Variants in RYR3 observed in about 807,000 individuals in gnomAD.
RYR3 encodes the protein ryanodine receptor 3.
A neutral mutation model predicts 584.3 loss-of-function variants in RYR3; 207 were observed. That is an observed-to-expected ratio of 0.35 (90% confidence interval 0.32 to 0.40). The LOEUF is 0.40. Among genes scored for constraint, RYR3 ranks in the 10% least tolerant of loss-of-function variants. RYR3 has a pLI of 1.00. For missense variants in RYR3, 5,616 were observed against 6,089.2 expected, an observed-to-expected ratio of 0.92 and a Z score of 2.59; for synonymous variants, 2,416 against 2,248.5, an observed-to-expected ratio of 1.07 and a Z score of -2.11.
rs765193229 is a variant in RYR3, at chr15:33,854,852, C to T, written c.13947C>T (p.Ile4649=). The change falls in exon 98 of 104, where the codon ATC becomes ATT. Residue 4649 remains isoleucine, a synonymous_variant. Transcript: ENST00000634891. ...NFFFAAHLLD[I]AMGFKTLRTI... ...TCTTTGCTGCTCACCTATTGGACAT[C>T]GCAATGGGCTTCAAGACACTGAGGA... 1.2e-5 allele frequency: 19 copies of T among 1,613,662 alleles called. No homozygotes were observed. The highest frequency in any genetic ancestry group is 2.2e-5 in the East Asian group (1 of 44,868).
intron 5 of RYR3, among the ~76,000 whole-genome samples, chr15:33,538,154 C>T (rs2055496950): frequency 6.6e-6 from 1 of 152,098 alleles, no homozygotes; most frequent in South Asian, 2.1e-4. Flanking sequence ...CAAGTCTCTT[C>T]TCTTTTCACT....
At chr15:33,427,282 G>A (rs1306886702) in intron 1 of RYR3, among the ~76,000 whole-genome samples, 1 of 152,154 alleles carries the variant, frequency 6.6e-6, no homozygotes, top group Non-Finnish European at 1.5e-5. Context: ...TTCATTTTAT[G>A]AATGGATGTT....
intron 2 of RYR3, among the ~76,000 whole-genome samples, chr15:33,483,787 A>G (rs375189366): frequency 2.0e-5 from 3 of 152,292 alleles, no homozygotes; most frequent in East Asian, 3.9e-4. Context: ...TTATTAATCT[A>G]TGGTGGTTTC....
chr15:33,765,891 T>C (rs111469503), intron 60 of RYR3, among the ~76,000 whole-genome samples: 1 of 152,196 alleles, frequency 6.6e-6, no homozygotes, highest in Non-Finnish European at 1.5e-5. Context: ...GAACTGCCTG[T>C]GTAGTATGAT....
At chr15:33,631,632 C>T (rs1410580742) in intron 23 of RYR3, among the ~76,000 whole-genome samples, 2 of 152,202 alleles carry the variant, frequency 1.3e-5, no homozygotes, top group African/African-American at 4.8e-5. Context: ...AGAGTCACTC[C>T]TCTGGCATTG....
intron 25 of RYR3, among the ~76,000 whole-genome samples, chr15:33,634,947 A>G (rs1258807322): frequency 1.3e-5 from 2 of 152,158 alleles, no homozygotes; most frequent in African/African-American, 2.4e-5. Context: ...TGCAATGAAC[A>G]CTTCTATGAC....
chr15:33,373,085 A>T (rs914613972), intron 1 of RYR3, among the ~76,000 whole-genome samples: 1 of 152,272 alleles, frequency 6.6e-6, no homozygotes, highest in African/African-American at 2.4e-5. Context: ...TTGTTGAGTG[A>T]TCAATTTACT....
intron 1 of RYR3, among the ~76,000 whole-genome samples, chr15:33,399,213 C>T (rs1187321655): frequency 1.3e-5 from 2 of 152,146 alleles, no homozygotes; most frequent in Non-Finnish European, 2.9e-5. Context: ...TTGTAAGACT[C>T]ATATGACATC....
chr15:33,371,152 A>G (rs535427337), intron 1 of RYR3, among the ~76,000 whole-genome samples: 1 of 152,346 alleles, frequency 6.6e-6, no homozygotes, highest in African/African-American at 2.4e-5. Context: ...TTGAGAGAGC[A>G]TATTATCCTG....
intron 1 of RYR3, among the ~76,000 whole-genome samples, chr15:33,332,316 G>T (rs11636989): frequency 0.015 from 2,261 of 152,084 alleles, 25 homozygotes; most frequent in Middle Eastern, 0.024. Context: ...ATTGGCATGC[G>T]TCTGAAAATA....
chr15:33,378,061 T>C (rs2040880727), intron 1 of RYR3, among the ~76,000 whole-genome samples: 1 of 152,204 alleles, frequency 6.6e-6, no homozygotes, highest in Non-Finnish European at 1.5e-5. Context: ...GGACTACAGG[T>C]GCAAGCCACT....
rs527364020 is a variant in RYR3 at position 33,432,910 on chromosome 15, T to C, written c.52-40509T>C. Among the ~76,000 whole-genome samples the C allele has an allele frequency of 1.2e-3, 181 of 151,926 alleles. 1 individual carries two copies. The highest frequency in any genetic ancestry group is 2.1e-3 in the Non-Finnish European group (146 of 68,030). ...TATGAAGTCAGGATAGAAAAATCAA[T>C]ACAATCCAACTCTTTGGCCTAAATT... is the stretch of plus-strand genomic sequence containing the variant. On this transcript the variant is annotated intron_variant, in intron 1 of 103. Coordinates refer to ENST00000634891, the MANE Select transcript of RYR3 (RefSeq NM_001036.6).
chr15:33,740,192 T>C (rs2069940568), intron 51 of RYR3, among the ~76,000 whole-genome samples, 197 bp downstream of exon 51: 2 of 152,186 alleles, frequency 1.3e-5, no homozygotes, highest in South Asian at 4.1e-4. Flanking sequence ...TCTGGGTTTT[T>C]GGTGGGGGAG....
intron 1 of RYR3, among the ~76,000 whole-genome samples, chr15:33,387,662 C>CAAAA (rs35447627): frequency 7.1e-6 from 1 of 139,894 alleles, no homozygotes; most frequent in Admixed American, 7.0e-5. Flanking sequence ...AATGACCTCA[C>CAAAA]AAAAAAAAAA....
intron 1 of RYR3, among the ~76,000 whole-genome samples, chr15:33,373,697 G>A (rs1229208484): frequency 1.3e-5 from 2 of 152,100 alleles, no homozygotes; most frequent in South Asian, 4.1e-4. Context: ...GTTTTAAATT[G>A]TATGTAATTT....
chr15:33,838,202 T>C lies in RYR3; in HGVS notation c.12222T>C (p.Asn4074=). ...SKRQFIFDVV[N]EGGEQEKMEL... ...GACAGTTCATTTTTGATGTTGTCAA[T>C]GAAGGTGGGGAGCAGGAAAAGATGG... Residue 4074 remains asparagine (N), a synonymous_variant, in exon 89 of 104, where the codon AAT becomes AAC. Coordinates refer to ENST00000634891, the MANE Select transcript of RYR3 (RefSeq NM_001036.6). 6.2e-7 allele frequency: 1 copy of C among 1,613,958 alleles called. No homozygotes were observed. Among genetic ancestry groups the C allele is most frequent in the Non-Finnish European group, 8.5e-7 (1 of 1,179,882 alleles).
intron 43 of RYR3, among the ~76,000 whole-genome samples, chr15:33,713,038 C>G (rs1037948076): frequency 1.3e-5 from 2 of 152,154 alleles, no homozygotes; most frequent in Non-Finnish European, 2.9e-5. Flanking sequence ...CTGTAATAAA[C>G]AGATTTCTTT....
intron 94 of RYR3, chr15:33,850,580 C>T (rs1488848694): frequency 1.3e-5 from 2 of 150,432 alleles, no homozygotes; most frequent in African/African-American, 5.0e-5. Flanking sequence ...TTTTTTTTCA[C>T]AATGGCATCA....
At chr15:33,539,307 G>T in intron 5 of RYR3, 43 bp from the exon 6 acceptor site, 1 of 1,296,404 alleles carries the variant, frequency 7.7e-7, no homozygotes, top group Non-Finnish European at 1.1e-6. Flanking sequence ...TAGGGACACT[G>T]GCTTCTGTGA....
Sources: allele counts gnomAD v4.1 joint callset (sites outside exome capture counted in the v4.1 genomes callset), GRCh38; gene constraint gnomAD v4.1.1; transcripts MANE v1.5; gene names NCBI Gene and HGNC (gene_info 2026-07-23, HGNC 2026-07-21).